THSD7B: variants seen among roughly 807,000 people sequenced by gnomAD.
THSD7B encodes the protein thrombospondin type 1 domain containing 7B.
THSD7B carries 138 observed loss-of-function variants against 213.6 expected under a neutral mutation model. The ratio of observed to expected loss-of-function variants is 0.65; its 90% CI spans 0.56 to 0.74. THSD7B has a LOEUF of 0.74. THSD7B is among the 30% of genes least tolerant of loss of function. The pLI is 0.00. For missense variants in THSD7B, 1,931 were observed against 1,991.5 expected, an observed-to-expected ratio of 0.97 and a Z score of 0.58; for synonymous variants, 742 against 687.0, an observed-to-expected ratio of 1.08 and a Z score of -1.25.
intron 2 of THSD7B, among the ~76,000 whole-genome samples, chr2:137,010,707 G>T (rs905946284): frequency 2.0e-5 from 3 of 152,156 alleles, no homozygotes; most frequent in Non-Finnish European, 4.4e-5. Flanking sequence ...AAATATTACT[G>T]AATGCCTACT....
At chr2:137,315,056 C>A (rs1684051072) in intron 12 of THSD7B, among the ~76,000 whole-genome samples, 1 of 152,230 alleles carries the variant, frequency 6.6e-6, no homozygotes, top group Non-Finnish European at 1.5e-5. Flanking sequence ...TTCCCAGCTG[C>A]TTTGTTTACC....
intron 2 of THSD7B, among the ~76,000 whole-genome samples, chr2:136,954,138 A>T (rs1685084523): frequency 6.6e-6 from 1 of 152,230 alleles, no homozygotes; most frequent in African/African-American, 2.4e-5. Context: ...GTTTTAAAAA[A>T]TCATTAAACA....
intron 15 of THSD7B, among the ~76,000 whole-genome samples, chr2:137,524,376 C>G (rs1440007873): frequency 2.0e-5 from 3 of 152,098 alleles, no homozygotes; most frequent in Admixed American, 6.5e-5. Context: ...ACAGGGCCCT[C>G]TGCAGGTTAG....
intron 12 of THSD7B, among the ~76,000 whole-genome samples, chr2:137,312,086 A>G (rs1257048175): frequency 6.6e-6 from 1 of 151,236 alleles, no homozygotes; most frequent in Non-Finnish European, 1.5e-5. Context: ...GAATGGTACC[A>G]GTTCCTCCTT....
chr2:136,823,899 G>A (rs903365809), intron 1 of THSD7B, among the ~76,000 whole-genome samples: 1 of 152,108 alleles, frequency 6.6e-6, no homozygotes, highest in Non-Finnish European at 1.5e-5. Flanking sequence ...TATATGATGA[G>A]CTGTGGTCCA....
chr2:136,817,788 A>G (rs1682500016), intron 1 of THSD7B, among the ~76,000 whole-genome samples: 1 of 150,284 alleles, frequency 6.7e-6, no homozygotes, highest in African/African-American at 2.4e-5. Context: ...CAAAAAACAC[A>G]TGAAAAAATG....
At position 137,177,150 on chromosome 2, in the gene THSD7B, T is replaced by C. The variant is rs138743641; in HGVS notation, c.1723+6212T>C. ...CAACCCTCAGTCTTTATTCATTATT[T>C]GCCATTATTCAAAGGGCTTCAATAT... is the stretch of plus-strand genomic sequence containing the variant. On this transcript the variant is annotated intron_variant, in intron 7 of 27. Transcript: ENST00000409968. 6.1e-4 allele frequency among the ~76,000 whole-genome samples: 93 copies of C among 152,358 alleles called. 1 individual carries two copies. The highest frequency in any genetic ancestry group is 2.1e-3 in the African/African-American group (87 of 41,594).
chr2:136,926,388 T>TAAA (rs146474659), intron 2 of THSD7B, among the ~76,000 whole-genome samples: 4 of 148,816 alleles, frequency 2.7e-5, no homozygotes, highest in Non-Finnish European at 3.0e-5. Flanking sequence ...CCCCTAAACT[T>TAAA]AAAAAAAAAA....
At chr2:137,230,954 T>G (rs1055836458) in intron 7 of THSD7B, 90 bp from the exon 8 acceptor site, 3 of 1,221,050 alleles carry the variant, frequency 2.5e-6, no homozygotes, top group African/African-American at 3.0e-5. Context: ...CTATCATTTT[T>G]GGGGGGGTAC....
intron 12 of THSD7B, among the ~76,000 whole-genome samples, chr2:137,331,511 G>A (rs946975722): frequency 5.9e-5 from 9 of 152,190 alleles, no homozygotes; most frequent in African/African-American, 1.4e-4. Flanking sequence ...GGTTCTCCAC[G>A]TCCCCACCAG....
intron 14 of THSD7B, among the ~76,000 whole-genome samples, chr2:137,417,247 A>G (rs943824240): frequency 6.6e-6 from 1 of 152,158 alleles, no homozygotes; most frequent in Non-Finnish European, 1.5e-5. Context: ...GAAAGTTTAG[A>G]TTTGCTGTGT....
intron 17 of THSD7B, among the ~76,000 whole-genome samples, chr2:137,575,725 C>CACATATATATATATATAT (rs59620213): frequency 9.0e-6 from 1 of 110,816 alleles, no homozygotes; most frequent in East Asian, 3.2e-4. Context: ...CCATAACACA[C>CACATATATATATATATAT]ATATATATAT....
At chr2:137,518,142 C>T (rs1680109593) in intron 15 of THSD7B, among the ~76,000 whole-genome samples, 1 of 152,120 alleles carries the variant, frequency 6.6e-6, no homozygotes, top group East Asian at 1.9e-4. Context: ...GGCTGAAATG[C>T]CCATGGTCTC....
intron 2 of THSD7B, among the ~76,000 whole-genome samples, chr2:137,030,348 T>C (rs992979946): frequency 1.9e-4 from 29 of 152,288 alleles, no homozygotes; most frequent in South Asian, 8.3e-4. Context: ...TGAGACTAAG[T>C]TTATCCAGAA....
At chr2:137,345,598 A>T (rs1027029927) in intron 12 of THSD7B, among the ~76,000 whole-genome samples, 1 of 151,494 alleles carries the variant, frequency 6.6e-6, no homozygotes, top group African/African-American at 2.4e-5. Context: ...TAAGAGTGAG[A>T]GAGAGAGAGA....
intron 4 of THSD7B, among the ~76,000 whole-genome samples, chr2:137,111,475 G>A (rs1391873051): frequency 6.6e-6 from 1 of 152,120 alleles, no homozygotes; most frequent in Non-Finnish European, 1.5e-5. Context: ...ACCTTGCTTT[G>A]AACCCTGCTT....
At chr2:137,160,062 A>C (rs1679985533) in intron 5 of THSD7B, 151 bp from the exon 6 acceptor site, 1 of 913,982 alleles carries the variant, frequency 1.1e-6, no homozygotes, top group Non-Finnish European at 1.5e-6. Flanking sequence ...GAAGCTAAAC[A>C]ACACATATTA....
intron 15 of THSD7B, among the ~76,000 whole-genome samples, chr2:137,513,980 T>C (rs904881644): frequency 6.6e-6 from 1 of 152,252 alleles, no homozygotes; most frequent in East Asian, 1.9e-4. Context: ...TCTATCTCTA[T>C]GCCTCACTGC....
chr2:137,661,106 G>A (rs1422405380), intron 25 of THSD7B, among the ~76,000 whole-genome samples: 2 of 152,096 alleles, frequency 1.3e-5, no homozygotes, highest in African/African-American at 2.4e-5. Context: ...CCATAAGAGC[G>A]AAGTCATAGA....
Sources: allele counts gnomAD v4.1 joint callset (sites outside exome capture counted in the v4.1 genomes callset), GRCh38; gene constraint gnomAD v4.1.1; transcripts MANE v1.5; gene names NCBI Gene and HGNC (gene_info 2026-07-23, HGNC 2026-07-21).